The following MCF2L2 variants were observed in gnomAD, a reference collection of about 807,000 sequenced individuals.
The protein encoded by MCF2L2 is MCF.2 cell line derived transforming sequence-like 2, also known as probable guanine nucleotide exchange factor MCF2L2.
MCF2L2 carries 102 observed loss-of-function variants against 150.2 expected under a neutral mutation model. The observed-to-expected ratio is 0.68, with a 90% CI of 0.58 to 0.80. The LOEUF (loss-of-function observed/expected upper bound fraction) is 0.80. MCF2L2 is among the 30% of genes least tolerant of loss of function. MCF2L2 has a pLI of 0.00. For synonymous variants in MCF2L2, 465 were observed against 491.3 expected (o/e 0.95, Z 0.71); for missense variants, 1,256 against 1,372.8 (o/e 0.91, Z 1.34).
intron 22 of MCF2L2, among the ~76,000 whole-genome samples, 187 bp from the exon 23 acceptor site, chr3:183,208,010 C>T (rs967285904): frequency 6.6e-6 from 1 of 152,072 alleles, no homozygotes; most frequent in Non-Finnish European, 1.5e-5. Context: ...AGCGTGGTGC[C>T]ATTTAGTTAT....
intron 1 of MCF2L2, among the ~76,000 whole-genome samples, chr3:183,404,277 C>G (rs897732604): frequency 1.3e-5 from 2 of 152,060 alleles, no homozygotes; most frequent in Non-Finnish European, 2.9e-5. Context: ...ATCTATCAAA[C>G]AAGCAAAAAT....
chr3:183,270,648 G>A lies in MCF2L2; in HGVS notation c.1862+6224C>T, dbSNP rs1726683418. On this transcript the variant is annotated intron_variant, in intron 15 of 29. Transcript: ENST00000328913. The surrounding 1 kb of genome is among the most constrained non-coding windows in gnomAD (Gnocchi z 4.5). Reference sequence around the variant, plus strand: ...AAATTCAAGTCTTTACATAGACGATGTGTTCATGGGCCTCTGTGCCAATAA... The same window carrying A: ...AAATTCAAGTCTTTACATAGACGATATGTTCATGGGCCTCTGTGCCAATAA... The A allele has an allele frequency of 6.2e-7, 1 of 1,614,158 alleles. No individual in the cohort carries two copies. The highest frequency in any genetic ancestry group is 8.5e-7 in the Non-Finnish European group (1 of 1,180,026).
chr3:183,180,086 C>T lies in MCF2L2; in HGVS notation c.3090G>A (p.Glu1030=), dbSNP rs748124123. The part of the protein sequence containing the change: ...DCEGAEDMEK[E]SSALSLAGLF... Reference sequence around the variant, plus strand: ...AAGTAATTACACTCAGAGCACTGCTCTCCTTTTCCATGTCTTCTGCGCCTT... The same window carrying T: ...AAGTAATTACACTCAGAGCACTGCTTTCCTTTTCCATGTCTTCTGCGCCTT... The change falls in exon 28 of 30, where the codon GAG becomes GAA. Residue 1030 remains glutamate, a synonymous_variant. Transcript: ENST00000328913. 1.2e-6 allele frequency: 2 copies of T among 1,613,824 alleles called. No homozygotes were observed. Among genetic ancestry groups the T allele is most frequent in the South Asian group, 2.2e-5 (2 of 91,080 alleles).
At chr3:183,218,420 C>T (rs1426079783) in intron 21 of MCF2L2, among the ~76,000 whole-genome samples, 1 of 151,992 alleles carries the variant, frequency 6.6e-6, no homozygotes, top group Non-Finnish European at 1.5e-5. Flanking sequence ...GAGTGGATCA[C>T]GAGGTCACGA....
chr3:183,376,889 C>T (rs958234953), intron 3 of MCF2L2: 3 of 152,166 alleles, frequency 2.0e-5, no homozygotes, highest in Non-Finnish European at 2.9e-5. Flanking sequence ...GTTACCTTTC[C>T]TTCTAGTCCC....
chr3:183,302,944 C>T (rs1026823257), intron 10 of MCF2L2, among the ~76,000 whole-genome samples: 7 of 151,616 alleles, frequency 4.6e-5, no homozygotes, highest in African/African-American at 1.7e-4. Context: ...CCAGTAATCC[C>T]AGCACTTTGG....
At position 183,427,985 on chromosome 3, in the gene MCF2L2, A is replaced by C. The variant is rs1344670765; in HGVS notation, c.-8T>G. The C allele has an allele frequency of 8.7e-6, 14 of 1,609,860 alleles. No individual in the cohort carries two copies. The highest frequency in any genetic ancestry group is 1.3e-5 in the African/African-American group (1 of 74,918). ...TTTTAAGCAAGACAGCATTTCACTGAAAAACCATTCCGTATAAATAAAGCC... is the reference window on the plus strand; with the variant it reads ...TTTTAAGCAAGACAGCATTTCACTGCAAAACCATTCCGTATAAATAAAGCC... On this transcript the variant is annotated 5_prime_UTR_variant, in exon 1 of 30. Coordinates refer to ENST00000328913, the MANE Select transcript of MCF2L2 (RefSeq NM_015078.4).
intron 27 of MCF2L2, among the ~76,000 whole-genome samples, chr3:183,192,062 G>A (rs373512546): frequency 2.0e-5 from 3 of 151,476 alleles, no homozygotes; most frequent in African/African-American, 7.3e-5. Context: ...TGTTAGCCAG[G>A]GTGATCTCGA....
chr3:183,323,794 C>CAAA (rs77727862), intron 5 of MCF2L2, among the ~76,000 whole-genome samples: 160 of 127,660 alleles, frequency 1.3e-3, no homozygotes, highest in Non-Finnish European at 1.6e-3. Context: ...AAGACCACAT[C>CAAA]AAAAAAAAAA....
At chr3:183,258,198 C>A (rs1436135723) in intron 15 of MCF2L2, 1 of 152,680 alleles carries the variant, frequency 6.5e-6, no homozygotes, top group Non-Finnish European at 1.5e-5. Context: ...GATCTCCCGA[C>A]CTCCTGATCC....
At chr3:183,228,909 G>T (rs1189722600) in intron 17 of MCF2L2, among the ~76,000 whole-genome samples, 1 of 152,120 alleles carries the variant, frequency 6.6e-6, no homozygotes, top group African/African-American at 2.4e-5. Context: ...CTCAACCAAA[G>T]ATAGGGTTTT....
chr3:183,331,213 A>G (rs116055215), intron 5 of MCF2L2, among the ~76,000 whole-genome samples: 2,306 of 152,290 alleles, frequency 0.015, 20 homozygotes, highest in Middle Eastern at 0.031. Flanking sequence ...ACTAGTCCAT[A>G]CTAAATCCTG....
intron 5 of MCF2L2, among the ~76,000 whole-genome samples, chr3:183,332,339 T>C (rs1228376134): frequency 6.6e-6 from 1 of 152,196 alleles, no homozygotes; most frequent in East Asian, 1.9e-4. Flanking sequence ...TTTGGGTGAC[T>C]GAGAGCTTTT....
chr3:183,355,645 T>C (rs1577086757), intron 3 of MCF2L2, among the ~76,000 whole-genome samples: 1 of 120,572 alleles, frequency 8.3e-6, no homozygotes, highest in East Asian at 2.3e-4. Flanking sequence ...TTTTGGTATT[T>C]TTAGTAGAGA....
intron 15 of MCF2L2, among the ~76,000 whole-genome samples, chr3:183,260,061 T>C (rs555171572): frequency 1.7e-4 from 26 of 151,250 alleles, no homozygotes; most frequent in Non-Finnish European, 3.1e-4. Flanking sequence ...CCTGTGCCCA[T>C]GCCAAGGAAA....
At position 183,252,996 on chromosome 3, in the gene MCF2L2, G is replaced by C. The variant is rs571860618; in HGVS notation, c.1863-21979C>G. Reference sequence around the variant, plus strand: ...CTAAAGGAGGAAAATAGCTCAAAGAGGACATTCATGTGCACTCTGGCTTCC... The same window carrying C: ...CTAAAGGAGGAAAATAGCTCAAAGACGACATTCATGTGCACTCTGGCTTCC... On this transcript the variant is annotated intron_variant, in intron 15 of 29. Coordinates refer to ENST00000328913, the MANE Select transcript of MCF2L2 (RefSeq NM_015078.4). Among the ~76,000 whole-genome samples, 130 of 152,302 alleles carry C rather than the reference G, an allele frequency of 8.5e-4. 1 individual carries two copies. Among genetic ancestry groups the C allele is most frequent in the African/African-American group, 2.6e-3 (108 of 41,568 alleles).
chr3:183,414,782 T>C (rs1344250825), intron 1 of MCF2L2, among the ~76,000 whole-genome samples: 1 of 150,410 alleles, frequency 6.6e-6, no homozygotes, highest in Non-Finnish European at 1.5e-5. Context: ...TTAAAGTATT[T>C]CCCTTGTGAG....
intron 5 of MCF2L2, among the ~76,000 whole-genome samples, chr3:183,324,070 G>A (rs1729927339): frequency 6.6e-6 from 1 of 152,164 alleles, no homozygotes; most frequent in Non-Finnish European, 1.5e-5. Flanking sequence ...AATCAAAGCT[G>A]GTCGGGTAAA....
intron 17 of MCF2L2, 123 bp from the exon 18 acceptor site, chr3:183,228,489 G>A (rs1723430304): frequency 5.5e-6 from 3 of 540,976 alleles, no homozygotes; most frequent in Admixed American, 6.3e-5. Context: ...AGGCCTTCTT[G>A]CTCTTATCTT....
Sources: allele counts gnomAD v4.1 joint callset (sites outside exome capture counted in the v4.1 genomes callset), GRCh38; gene constraint gnomAD v4.1.1; non-coding constraint Gnocchi (gnomAD v3.1); transcripts MANE v1.5; gene names NCBI Gene and HGNC (gene_info 2026-07-23, HGNC 2026-07-21).